The following CNTN5 variants were observed in gnomAD, a reference collection of about 807,000 sequenced individuals.
The protein encoded by CNTN5 is contactin 5, also known as contactin-5.
A neutral mutation model predicts 129.1 loss-of-function variants in CNTN5; 77 were observed. That is an observed-to-expected ratio of 0.60 (90% CI 0.50 to 0.72). The LOEUF is 0.72. Among genes scored for constraint, CNTN5 ranks in the 30% least tolerant of loss-of-function variants. The pLI is 0.00. For missense variants in CNTN5, 1,478 were observed against 1,328.8 expected (o/e 1.11, Z -1.75); for synonymous variants, 509 against 465.6 (o/e 1.09, Z -1.20).
chr11:99,050,555 A>G (rs1016849682), intron 1 of CNTN5, among the ~76,000 whole-genome samples: 8 of 151,944 alleles, frequency 5.3e-5, no homozygotes, highest in African/African-American at 1.9e-4. Flanking sequence ...TTTTAAATTG[A>G]AAGACTAAAT....
At chr11:99,522,911 A>T (rs1036156091) in intron 2 of CNTN5, among the ~76,000 whole-genome samples, 16 of 152,232 alleles carry the variant, frequency 1.1e-4, no homozygotes, top group African/African-American at 3.4e-4. Context: ...AACAAATTTG[A>T]TTAGGTCACA....
chr11:99,623,775 C>G (rs1951036139), intron 3 of CNTN5, among the ~76,000 whole-genome samples: 1 of 150,008 alleles, frequency 6.7e-6, no homozygotes, highest in Non-Finnish European at 1.5e-5. Context: ...AAGCTGTGCA[C>G]TAAGGTATCT....
chr11:99,545,069 A>C (rs1435843702), intron 2 of CNTN5, among the ~76,000 whole-genome samples: 1 of 152,164 alleles, frequency 6.6e-6, no homozygotes. Context: ...TATAGTATAT[A>C]TTTTTACAGA....
chr11:99,734,300 C>T (rs1943629962), intron 3 of CNTN5, among the ~76,000 whole-genome samples: 1 of 151,964 alleles, frequency 6.6e-6, no homozygotes, highest in Non-Finnish European at 1.5e-5. Flanking sequence ...CTGTAGTCAC[C>T]CTGTTGGGCT....
At chr11:99,784,950 C>T (rs576407163) in intron 3 of CNTN5, among the ~76,000 whole-genome samples, 2 of 151,958 alleles carry the variant, frequency 1.3e-5, no homozygotes, top group South Asian at 2.1e-4. Flanking sequence ...CAGGTGCCTA[C>T]CATCACACCT....
At chr11:99,183,550 C>G (rs777831815) in intron 1 of CNTN5, among the ~76,000 whole-genome samples, 2 of 152,028 alleles carry the variant, frequency 1.3e-5, no homozygotes, top group Non-Finnish European at 2.9e-5. Flanking sequence ...ATTTGTTTCT[C>G]TGGTGTTTCT....
intron 8 of CNTN5, among the ~76,000 whole-genome samples, chr11:99,988,838 GGTGTGTGTGTGTTTGT>G (rs1344342100): frequency 9.2e-6 from 1 of 108,444 alleles, no homozygotes; most frequent in Non-Finnish European, 1.9e-5. Flanking sequence ...TTCCAGATGG[GGTGTGTGTGTGTTTGT>G]GTGTGTGTGT....
At chr11:99,323,830 A>C (rs899083006) in intron 1 of CNTN5, among the ~76,000 whole-genome samples, 5 of 152,148 alleles carry the variant, frequency 3.3e-5, no homozygotes, top group African/African-American at 9.7e-5. Flanking sequence ...ATAAAGCAGA[A>C]ATGTAAAATT....
intron 1 of CNTN5, among the ~76,000 whole-genome samples, chr11:99,111,010 T>A (rs998667774): frequency 6.6e-6 from 1 of 152,146 alleles, no homozygotes; most frequent in Admixed American, 6.6e-5. Flanking sequence ...TTTTATTCAT[T>A]AGGAAACAGT....
At chr11:100,090,522 C>CCTCCCTCCCTCCCTCT (rs1377689374) in intron 13 of CNTN5, among the ~76,000 whole-genome samples, 1 of 88,702 alleles carries the variant, frequency 1.1e-5, no homozygotes, top group African/African-American at 4.8e-5. Context: ...TCCCTCCCTC[C>CCTCCCTCCCTCCCTCT]CTCCCTTCCT....
At chr11:99,929,112 T>C (rs1306393722) in intron 7 of CNTN5, among the ~76,000 whole-genome samples, 2 of 151,916 alleles carry the variant, frequency 1.3e-5, no homozygotes, top group East Asian at 3.9e-4. Flanking sequence ...ATAGCAAGAG[T>C]CACCTTTATT....
intron 1 of CNTN5, among the ~76,000 whole-genome samples, chr11:99,266,486 T>C (rs972605804): frequency 1.2e-4 from 18 of 152,002 alleles, no homozygotes; most frequent in Non-Finnish European, 2.4e-4. Context: ...CCTGTATTTC[T>C]AGCTACTTTG....
intron 13 of CNTN5, among the ~76,000 whole-genome samples, chr11:100,075,562 T>A (rs1944094156): frequency 6.6e-6 from 1 of 151,966 alleles, no homozygotes; most frequent in Non-Finnish European, 1.5e-5. Flanking sequence ...TGTAGAAATA[T>A]GATTGGACAA....
rs563200921 is a variant in CNTN5, at chr11:99,311,113, G to C, written c.-209-14233G>C. ...CCGGATAATTTTTGTATTTTTAGTA[G>C]AGACTGGGTTTCACCATATTGGCCA... On this transcript the variant is annotated intron_variant, in intron 1 of 24. Transcript: ENST00000524871. Among the ~76,000 whole-genome samples, 240 of 152,176 alleles carry C rather than the reference G, an allele frequency of 1.6e-3. No individual in the cohort carries two copies. The Middle Eastern group carries it at 0.017, about 11-fold the overall frequency.
At chr11:99,845,435 G>C (rs959428620) in intron 6 of CNTN5, among the ~76,000 whole-genome samples, 173 bp downstream of exon 6, 9 of 143,948 alleles carry the variant, frequency 6.3e-5, no homozygotes, top group Admixed American at 3.5e-4. Context: ...TGCAGTGGCG[G>C]GATCTCGGCT....
intron 2 of CNTN5, among the ~76,000 whole-genome samples, chr11:99,377,985 A>G (rs940439843): frequency 2.6e-5 from 4 of 152,152 alleles, no homozygotes; most frequent in Admixed American, 2.0e-4. Context: ...ATCACAGTTC[A>G]TATTGCAAGA....
chr11:99,959,072 T>C (rs12280999), intron 8 of CNTN5, among the ~76,000 whole-genome samples: 11,725 of 152,218 alleles, frequency 0.077, 843 homozygotes, highest in African/African-American at 0.18. Context: ...CATTCGCTGA[T>C]ATTTAAATCC....
chr11:99,890,231 G>A (rs540896407), intron 6 of CNTN5, among the ~76,000 whole-genome samples: 3 of 152,234 alleles, frequency 2.0e-5, no homozygotes, highest in Admixed American at 2.0e-4. Context: ...GTCAACAGGA[G>A]CCAATTGAAA....
chr11:99,080,772 C>T (rs1255931750), intron 1 of CNTN5, among the ~76,000 whole-genome samples: 5 of 152,074 alleles, frequency 3.3e-5, no homozygotes, highest in African/African-American at 9.7e-5. Flanking sequence ...GTTTCTGACA[C>T]ATTTTAAGAA....
Sources: allele counts gnomAD v4.1 joint callset (sites outside exome capture counted in the v4.1 genomes callset), GRCh38; gene constraint gnomAD v4.1.1; transcripts MANE v1.5; gene names NCBI Gene and HGNC (gene_info 2026-07-23, HGNC 2026-07-21).